The following STX8 variants were observed in gnomAD, a reference collection of about 807,000 sequenced individuals.
The protein encoded by STX8 is syntaxin-8.
Under a neutral mutation model 37.5 loss-of-function variants are expected in STX8, and 23 were observed. The observed-to-expected ratio is 0.61, with a 90% confidence interval of 0.44 to 0.87. STX8 has a LOEUF of 0.87. Among genes scored for constraint, STX8 ranks in the 40% least tolerant of loss-of-function variants. STX8 has a pLI of 0.00. For synonymous variants in STX8, 115 were observed against 99.1 expected, an observed-to-expected ratio of 1.16 and a Z score of -0.95; for missense variants, 313 against 284.7, an observed-to-expected ratio of 1.10 and a Z score of -0.71.
At chr17:9,409,300 C>G (rs541757073) in intron 6 of STX8, among the ~76,000 whole-genome samples, 27 of 152,084 alleles carry the variant, frequency 1.8e-4, no homozygotes, top group Non-Finnish European at 2.8e-4. Flanking sequence ...TTAAAGCTGT[C>G]TAGATAGTAA....
intron 6 of STX8, among the ~76,000 whole-genome samples, chr17:9,457,462 C>G (rs1411120979): frequency 6.6e-6 from 1 of 152,256 alleles, no homozygotes; most frequent in Non-Finnish European, 1.5e-5. Flanking sequence ...CATTTAAGAA[C>G]TCTGGTGGTT....
chr17:9,518,596 T>C (rs1267827971), intron 4 of STX8, among the ~76,000 whole-genome samples: 1 of 152,110 alleles, frequency 6.6e-6, no homozygotes, highest in Admixed American at 6.6e-5. Context: ...CAGCCAGGCG[T>C]GGTGGCTCAT....
chr17:9,506,405 G>GCCCCCCCCCCCCCCCCCC (rs1471640649), intron 4 of STX8, among the ~76,000 whole-genome samples: 1 of 8,932 alleles, frequency 1.1e-4, no homozygotes, highest in African/African-American at 4.0e-4. Flanking sequence ...GTGCTCACCC[G>GCCCCCCCCCCCCCCCCCC]CTCCCCCCCC....
In STX8 at chr17:9,574,670, G is replaced by T. The variant is rs137866064; in HGVS notation, c.17+1122C>A. ...CTGCCTCAGTCTCCCGAGTAGCTGG[G>T]ATTACAGGCATGTACTACCATGCCC... On this transcript the variant is annotated intron_variant, in intron 1 of 7. Coordinates refer to ENST00000306357, the MANE Select transcript of STX8 (RefSeq NM_004853.3). 1.7e-3 allele frequency among the ~76,000 whole-genome samples: 263 copies of T among 152,150 alleles called. 5 individuals are homozygous for T. The East Asian group carries it at 0.044, about 26-fold the overall frequency.
intron 6 of STX8, among the ~76,000 whole-genome samples, chr17:9,400,437 C>T (rs373798363): frequency 4.0e-5 from 6 of 149,694 alleles, no homozygotes; most frequent in African/African-American, 9.9e-5. Context: ...TGGAGTCTCG[C>T]GCTGTCACGC....
At chr17:9,459,547 G>A (rs1223366331) in intron 6 of STX8, among the ~76,000 whole-genome samples, 4 of 152,100 alleles carry the variant, frequency 2.6e-5, no homozygotes, top group Non-Finnish European at 2.9e-5. Context: ...ATGGAGCCTC[G>A]CTCTGTCGTC....
At chr17:9,501,075 A>C (rs1190543174) in intron 5 of STX8, among the ~76,000 whole-genome samples, 1 of 152,182 alleles carries the variant, frequency 6.6e-6, no homozygotes, top group East Asian at 1.9e-4. Context: ...AGACACGTAT[A>C]GCAAAAACTA....
In STX8 at chr17:9,417,645, G is replaced by A. The variant is rs1404852017; in HGVS notation, c.542-38992C>T. Among the ~76,000 whole-genome samples the A allele has an allele frequency of 2.0e-5, 3 of 152,108 alleles. 1 individual carries two copies. Among genetic ancestry groups the A allele is most frequent in the Non-Finnish European group, 2.9e-5 (2 of 68,016 alleles). On this transcript the variant is annotated intron_variant, in intron 6 of 7. Transcript: ENST00000306357. ...GGGCCCTAGATAGCTTCAGGATGGG[G>A]ACTGGTCTCCAGAAGGAACCAACCA...
chr17:9,406,444 T>A (rs2142327089), intron 6 of STX8, among the ~76,000 whole-genome samples: 1 of 152,310 alleles, frequency 6.6e-6, no homozygotes. Context: ...GCATCTGAGC[T>A]TGCCTCAATA....
At position 9,536,806 on chromosome 17, in the gene STX8, C is replaced by T. The variant is rs142160681; in HGVS notation, c.323+8366G>A. Among the ~76,000 whole-genome samples, 113 of 151,748 alleles carry T rather than the reference C, an allele frequency of 7.4e-4. 1 individual carries two copies. The East Asian group carries it at 0.019, about 26-fold the overall frequency. On this transcript the variant is annotated intron_variant, in intron 4 of 7. Transcript: ENST00000306357. The stretch of plus-strand genomic sequence containing the variant: ...TTGCCCAAGCTGGAGTGCAGTGGCA[C>T]GATCTCAGCTCACTGCAACCTCCAC...
At chr17:9,289,736 C>T (rs1439364658) in intron 7 of STX8, among the ~76,000 whole-genome samples, 2 of 151,390 alleles carry the variant, frequency 1.3e-5, no homozygotes, top group Admixed American at 6.6e-5. Context: ...GTCGGGATCG[C>T]GCCACTGCAG....
intron 7 of STX8, among the ~76,000 whole-genome samples, chr17:9,314,649 C>T (rs1456266767): frequency 1.3e-5 from 2 of 149,996 alleles, no homozygotes; most frequent in East Asian, 2.0e-4. Context: ...ACCTAGTGAT[C>T]CACCTGCCTT....
chr17:9,368,397 G>A (rs749639695), intron 7 of STX8, among the ~76,000 whole-genome samples: 2 of 152,084 alleles, frequency 1.3e-5, no homozygotes, highest in African/African-American at 2.4e-5. Flanking sequence ...CCAGCTACTC[G>A]GAAGGTTGAG....
chr17:9,271,893 T>C (rs1016077817), intron 7 of STX8, among the ~76,000 whole-genome samples: 2 of 152,232 alleles, frequency 1.3e-5, no homozygotes, highest in Admixed American at 6.5e-5. Flanking sequence ...GTTACCATGA[T>C]AGAAGAAACC....
intron 3 of STX8, among the ~76,000 whole-genome samples, chr17:9,547,076 C>T (rs1906557213): frequency 6.6e-6 from 1 of 151,256 alleles, no homozygotes; most frequent in Non-Finnish European, 1.5e-5. Context: ...GGTAAAACCC[C>T]GTCTCTACTA....
chr17:9,437,337 C>T (rs774207651), intron 6 of STX8, among the ~76,000 whole-genome samples: 5 of 152,182 alleles, frequency 3.3e-5, no homozygotes, highest in Non-Finnish European at 7.3e-5. Flanking sequence ...AGAGGATTCA[C>T]TCGTCAGGGC....
At chr17:9,403,926 G>T (rs1567546077) in intron 6 of STX8, among the ~76,000 whole-genome samples, 1 of 152,114 alleles carries the variant, frequency 6.6e-6, no homozygotes, top group African/African-American at 2.4e-5. Flanking sequence ...GATTACGGGA[G>T]TGAGCCACCA....
chr17:9,313,156 A>C (rs1481823256), intron 7 of STX8, among the ~76,000 whole-genome samples: 1 of 152,172 alleles, frequency 6.6e-6, no homozygotes, highest in African/African-American at 2.4e-5. Context: ...ACGCCATTGC[A>C]TTCCAGTTTG....
At chr17:9,327,186 A>AG (rs1567784870) in intron 7 of STX8, among the ~76,000 whole-genome samples, 15 of 150,656 alleles carry the variant, frequency 1.0e-4, no homozygotes, top group African/African-American at 3.7e-4. Flanking sequence ...AGAAGAAGGA[A>AG]GAAGAAGGAA....
Sources: allele counts gnomAD v4.1 joint callset (sites outside exome capture counted in the v4.1 genomes callset), GRCh38; gene constraint gnomAD v4.1.1; transcripts MANE v1.5; gene names NCBI Gene and HGNC (gene_info 2026-07-23, HGNC 2026-07-21).